The following PPP1R21 variants were observed in gnomAD, a reference collection of about 807,000 sequenced individuals.
PPP1R21 encodes protein phosphatase 1 regulatory subunit 21, also known as KLRAQ motif containing 1.
PPP1R21 carries 85 observed loss-of-function variants against 112.8 expected under a neutral mutation model. The observed-to-expected ratio is 0.75, with a 90% CI of 0.63 to 0.90. The LOEUF is 0.90. Among genes scored for constraint, PPP1R21 ranks in the 40% least tolerant of loss-of-function variants. The pLI is 0.00. For missense variants in PPP1R21, 1,199 were observed against 901.5 expected (o/e 1.33, Z -4.23); for synonymous variants, 381 against 322.3 (o/e 1.18, Z -1.95).
At chr2:48,478,693 A>C (rs1668867610) in intron 12 of PPP1R21, among the ~76,000 whole-genome samples, 1 of 152,184 alleles carries the variant, frequency 6.6e-6, no homozygotes, top group East Asian at 1.9e-4. Flanking sequence ...TTCTGACCCC[A>C]GGAGGGCTCT....
At chr2:48,464,907 G>T (rs1337961992) in intron 7 of PPP1R21, 30 bp from the exon 8 acceptor site, 1 of 1,535,054 alleles carries the variant, frequency 6.5e-7, no homozygotes, top group South Asian at 1.2e-5. Flanking sequence ...TGAAATGAGA[G>T]ACTTAATGTA....
intron 21 of PPP1R21, among the ~76,000 whole-genome samples, chr2:48,514,070 GTTC>G (rs148272103): frequency 8.2e-6 from 1 of 121,458 alleles, no homozygotes; most frequent in African/African-American, 3.1e-5. Context: ...GACGAGACAT[GTTC>G]TTTTTTTTTT....
At chr2:48,471,596 GTGGTTACCA>G in intron 11 of PPP1R21, 2 of 431,150 alleles carry the variant, frequency 4.6e-6, no homozygotes, top group Admixed American at 4.0e-5. Flanking sequence ...GTTCTGTACT[GTGGTTACCA>G]TTATCATCCC....
chr2:48,451,189 G>A, intron 2 of PPP1R21, 113 bp downstream of exon 2: 1 of 796,772 alleles, frequency 1.3e-6, no homozygotes, highest in South Asian at 1.4e-5. Flanking sequence ...GATTCACTAG[G>A]GATAGGGGAC....
chr2:48,456,193 T>C (rs1667718911), intron 3 of PPP1R21, among the ~76,000 whole-genome samples: 1 of 152,084 alleles, frequency 6.6e-6, no homozygotes, highest in Non-Finnish European at 1.5e-5. Context: ...GTGGGATTCT[T>C]ATTGCTCTAA....
chr2:48,513,925 C>T (rs1329836298), intron 21 of PPP1R21, among the ~76,000 whole-genome samples: 1 of 152,198 alleles, frequency 6.6e-6, no homozygotes, highest in Non-Finnish European at 1.5e-5. Flanking sequence ...AAGTCATCTT[C>T]TCTCTGATTT....
intron 16 of PPP1R21, 92 bp from the exon 17 acceptor site, chr2:48,498,401 T>C (rs1669947199): frequency 1.7e-6 from 2 of 1,208,356 alleles, no homozygotes; most frequent in Non-Finnish European, 2.4e-6. Flanking sequence ...CTCTGTGGGG[T>C]AGTTTTGGTT....
chr2:48,505,947 G>A (rs1572897853), intron 18 of PPP1R21, among the ~76,000 whole-genome samples: 1 of 152,020 alleles, frequency 6.6e-6, no homozygotes, highest in South Asian at 2.1e-4. Flanking sequence ...CAGGAAAGCA[G>A]GGCTTAGCAA....
chr2:48,491,805 G>T (rs1311174570), intron 15 of PPP1R21, among the ~76,000 whole-genome samples: 2 of 151,862 alleles, frequency 1.3e-5, no homozygotes, highest in South Asian at 2.1e-4. Flanking sequence ...CTCAAAAATT[G>T]TATCTATAAA....
intron 17 of PPP1R21, chr2:48,501,983 T>G (rs1670137857): frequency 6.6e-6 from 1 of 152,222 alleles, no homozygotes; most frequent in African/African-American, 2.4e-5. Context: ...TGCTAATTTC[T>G]GTATCGTTCC....
chr2:48,443,648 G>A (rs1308210320), intron 1 of PPP1R21, among the ~76,000 whole-genome samples: 1 of 152,184 alleles, frequency 6.6e-6, no homozygotes, highest in African/African-American at 2.4e-5. Context: ...ATTGCAATGT[G>A]ATGGGAATTT....
chr2:48,464,702 G>C (rs1376829865), intron 7 of PPP1R21, among the ~76,000 whole-genome samples: 1 of 152,118 alleles, frequency 6.6e-6, no homozygotes, highest in African/African-American at 2.4e-5. Context: ...CTTAGAAATG[G>C]AAACACTGGA....
intron 12 of PPP1R21, among the ~76,000 whole-genome samples, chr2:48,478,328 C>T (rs1344403410): frequency 6.6e-6 from 1 of 152,188 alleles, no homozygotes; most frequent in African/African-American, 2.4e-5. Flanking sequence ...GATTCATGAA[C>T]ATAGTATGTT....
intron 9 of PPP1R21, among the ~76,000 whole-genome samples, chr2:48,468,595 T>C (rs922394467): frequency 6.6e-6 from 1 of 152,104 alleles, no homozygotes; most frequent in Non-Finnish European, 1.5e-5. Context: ...GGTGGATCGC[T>C]TGACCTCAGG....
intron 16 of PPP1R21, among the ~76,000 whole-genome samples, chr2:48,497,037 A>G (rs1310494046): frequency 6.6e-6 from 1 of 152,176 alleles, no homozygotes; most frequent in African/African-American, 2.4e-5. Context: ...CAACAAATTA[A>G]TCAAACTCAA....
intron 20 of PPP1R21, 54 bp from the exon 21 acceptor site, chr2:48,511,286 C>G: frequency 6.5e-7 from 1 of 1,537,730 alleles, no homozygotes. Flanking sequence ...AAAAAAGCTT[C>G]AGAGTGGTAC....
intron 9 of PPP1R21, among the ~76,000 whole-genome samples, chr2:48,470,404 A>G (rs1334402845): frequency 6.6e-6 from 1 of 151,870 alleles, no homozygotes. Flanking sequence ...TGTAGTCCCA[A>G]CTACTTGGGA....
At chr2:48,464,742 TA>T (rs1182323650) in intron 7 of PPP1R21, among the ~76,000 whole-genome samples, 194 bp from the exon 8 acceptor site, 1 of 152,030 alleles carries the variant, frequency 6.6e-6, no homozygotes, top group Non-Finnish European at 1.5e-5. Context: ...AGCCTGAAGT[TA>T]AAAAAAGATG....
intron 15 of PPP1R21, among the ~76,000 whole-genome samples, chr2:48,492,608 A>G (rs1236080397): frequency 1.3e-5 from 2 of 152,242 alleles, no homozygotes; most frequent in Non-Finnish European, 2.9e-5. Context: ...CCTTAGGCAC[A>G]TGGGTGGAAT....
Sources: gnomAD v4.1 joint callset for allele counts (sites outside exome capture counted in the v4.1 genomes callset) on GRCh38, gnomAD v4.1.1 for gene constraint, MANE v1.5 for transcripts, NCBI Gene and HGNC (gene_info 2026-07-23, HGNC 2026-07-21) for gene names.